CDH12: variants seen among roughly 807,000 people sequenced by gnomAD.
CDH12 encodes cadherin 12, also known as cadherin-12.
A neutral mutation model predicts 74.1 loss-of-function variants in CDH12; 41 were observed. The ratio of observed to expected loss-of-function variants is 0.55; its 90% confidence interval spans 0.43 to 0.72. The LOEUF (loss-of-function observed/expected upper bound fraction) is 0.72. CDH12 is among the 30% of genes least tolerant of loss of function. The probability of loss-of-function intolerance (pLI) is 0.00; values close to 1 mark genes in which losing one functional copy is unlikely to be tolerated. For synonymous variants in CDH12, 399 were observed against 355.0 expected, an observed-to-expected ratio of 1.12 and a Z score of -1.39; for missense variants, 945 against 977.2, an observed-to-expected ratio of 0.97 and a Z score of 0.44.
intron 9 of CDH12, among the ~76,000 whole-genome samples, chr5:21,807,934 A>T (rs1355845114): frequency 1.3e-5 from 2 of 152,124 alleles, no homozygotes; most frequent in Non-Finnish European, 2.9e-5. Flanking sequence ...TCTAACCAGG[A>T]GACCCCTTAA....
intron 6 of CDH12, among the ~76,000 whole-genome samples, chr5:21,899,213 G>A (rs964624902): frequency 6.6e-6 from 1 of 152,254 alleles, no homozygotes; most frequent in African/African-American, 2.4e-5. Context: ...TTTCAGAACA[G>A]TTTCTGCTTA....
At chr5:21,752,398 A>T (rs1322627325) in intron 14 of CDH12, among the ~76,000 whole-genome samples, 162 bp from the exon 15 acceptor site, 1 of 152,240 alleles carries the variant, frequency 6.6e-6, no homozygotes, top group African/African-American at 2.4e-5. Context: ...ACATATGTTT[A>T]AATTTTGAAA....
intron 1 of CDH12, among the ~76,000 whole-genome samples, chr5:22,536,888 T>G (rs1038720506): frequency 1.3e-5 from 2 of 152,166 alleles, no homozygotes; most frequent in Admixed American, 1.3e-4. Flanking sequence ...CTTTTTGTGG[T>G]TTTTCTGATA....
intron 6 of CDH12, among the ~76,000 whole-genome samples, chr5:21,880,684 T>C (rs138460602): frequency 8.7e-4 from 116 of 133,442 alleles, no homozygotes; most frequent in African/African-American, 2.9e-3. Context: ...TCTTTCTTTC[T>C]TTCTTTCTCT....
chr5:21,877,342 C>T (rs908192934), intron 6 of CDH12, among the ~76,000 whole-genome samples: 9 of 152,164 alleles, frequency 5.9e-5, no homozygotes, highest in Non-Finnish European at 1.2e-4. Flanking sequence ...TTTCCTGTCT[C>T]ATTTTCCACT....
chr5:22,575,652 C>T (rs1739751112), intron 1 of CDH12, among the ~76,000 whole-genome samples: 2 of 152,046 alleles, frequency 1.3e-5, no homozygotes, highest in South Asian at 4.1e-4. Context: ...ACAACGTCTG[C>T]CTCCTGGGTT....
intron 6 of CDH12, among the ~76,000 whole-genome samples, chr5:21,866,145 G>A (rs1215106596): frequency 1.3e-5 from 2 of 152,188 alleles, no homozygotes; most frequent in African/African-American, 4.8e-5. Flanking sequence ...GTGGAACTGT[G>A]AGTCCATTAC....
At chr5:22,585,175 C>T (rs753425579) in intron 1 of CDH12, among the ~76,000 whole-genome samples, 8 of 152,110 alleles carry the variant, frequency 5.3e-5, no homozygotes, top group Admixed American at 3.3e-4. Context: ...TTGACATGTA[C>T]GGAATTCTAC....
intron 6 of CDH12, among the ~76,000 whole-genome samples, chr5:21,871,627 G>A (rs1478882752): frequency 1.3e-5 from 2 of 152,072 alleles, no homozygotes; most frequent in African/African-American, 4.8e-5. Flanking sequence ...CACCTACTCG[G>A]GAGGCAGGAG....
intron 1 of CDH12, among the ~76,000 whole-genome samples, chr5:22,539,986 G>T (rs1319306942): frequency 6.6e-6 from 1 of 152,100 alleles, no homozygotes; most frequent in Non-Finnish European, 1.5e-5. Context: ...TCTAGTTCTT[G>T]TAGCATTCTG....
chr5:21,936,017 C>T (rs955608660), intron 6 of CDH12, among the ~76,000 whole-genome samples: 1 of 151,952 alleles, frequency 6.6e-6, no homozygotes, highest in African/African-American at 2.4e-5. Context: ...TAGGTTGATT[C>T]CAAATTTTGG....
At chr5:21,831,215 G>A (rs374077647) in intron 8 of CDH12, among the ~76,000 whole-genome samples, 2 of 152,064 alleles carry the variant, frequency 1.3e-5, no homozygotes, top group African/African-American at 4.8e-5. Context: ...CAATTCTGAT[G>A]TTGGGAGCAG....
At chr5:22,027,129 T>G (rs974685636) in intron 5 of CDH12, among the ~76,000 whole-genome samples, 1 of 152,148 alleles carries the variant, frequency 6.6e-6, no homozygotes, top group Admixed American at 6.6e-5. Flanking sequence ...TTGATTTGCG[T>G]ATATTGAACC....
At chr5:22,301,716 C>G (rs571582783) in intron 3 of CDH12, among the ~76,000 whole-genome samples, 1 of 152,102 alleles carries the variant, frequency 6.6e-6, no homozygotes, top group East Asian at 1.9e-4. Flanking sequence ...ACTGCAACCT[C>G]CATCCCACGG....
At chr5:22,099,671 C>G (rs1409820581) in intron 4 of CDH12, among the ~76,000 whole-genome samples, 1 of 152,182 alleles carries the variant, frequency 6.6e-6, no homozygotes, top group South Asian at 2.1e-4. Context: ...TACACTGTTT[C>G]TCTAAGCCAT....
rs574888832 is a variant in CDH12 at position 22,544,007 on chromosome 5, G to T, written c.-522-38643C>A. Among the ~76,000 whole-genome samples the T allele has an allele frequency of 2.0e-5, 3 of 151,330 alleles. No homozygotes were observed. In the South Asian group the frequency reaches 6.3e-4, roughly 32 times the overall value. On this transcript the variant is annotated intron_variant, in intron 1 of 14. Coordinates refer to ENST00000382254, the MANE Select transcript of CDH12 (RefSeq NM_004061.5). The stretch of plus-strand genomic sequence containing the variant: ...TACCTCCTCTTAGTCAAAAATCAAA[G>T]AATTAGAATCAAAAGATATATAGAT...
At chr5:21,775,805 A>T (rs1745555617) in intron 11 of CDH12, among the ~76,000 whole-genome samples, 1 of 152,050 alleles carries the variant, frequency 6.6e-6, no homozygotes, top group African/African-American at 2.4e-5. Context: ...ATTTAGCCAG[A>T]TTGTTGCATT....
intron 1 of CDH12, among the ~76,000 whole-genome samples, chr5:22,507,827 CA>C (rs1378161447): frequency 1.3e-5 from 2 of 152,150 alleles, no homozygotes; most frequent in African/African-American, 4.8e-5. Flanking sequence ...GAGATGAAAT[CA>C]AGGTGTCACG....
intron 5 of CDH12, among the ~76,000 whole-genome samples, chr5:21,986,163 G>GC (rs1757506508): frequency 6.6e-6 from 1 of 151,914 alleles, no homozygotes. Flanking sequence ...TCTCAAAAAG[G>GC]CCCCCATGCA....
Sources: allele counts gnomAD v4.1 joint callset (sites outside exome capture counted in the v4.1 genomes callset), GRCh38; gene constraint gnomAD v4.1.1; transcripts MANE v1.5; gene names NCBI Gene and HGNC (gene_info 2026-07-23, HGNC 2026-07-21).